CPB1: variants seen among roughly 807,000 people sequenced by gnomAD.
CPB1 encodes the protein carboxypeptidase B.
CPB1 carries 53 observed loss-of-function variants against 51.4 expected under a neutral mutation model. The observed-to-expected ratio is 1.03, with a 90% CI of 0.83 to 1.30. CPB1 has a LOEUF of 1.30. Among genes scored for constraint, CPB1 ranks in the 50% most tolerant of loss-of-function variants. CPB1 has a pLI of 0.00. For missense variants in CPB1, 494 were observed against 516.2 expected (o/e 0.96, Z 0.42); for synonymous variants, 189 against 186.9 (o/e 1.01, Z -0.09).
Position 148,839,968 on chromosome 3 carries a change from G to A in CPB1, c.273-718G>A, listed in dbSNP as rs147719609. Among the ~76,000 whole-genome samples the A allele has an allele frequency of 7.6e-3, 1,160 of 151,938 alleles. 7 individuals carry two copies. The highest frequency in any genetic ancestry group is 0.027 in the African/African-American group (1,113 of 41,442). ...CACACACACACACACCTTCAGACTG[G>A]CCTCATAATAGAAACTATCACCTGG... On this transcript the variant is annotated intron_variant, in intron 3 of 10. Coordinates refer to ENST00000282957, the MANE Select transcript of CPB1 (RefSeq NM_001871.3).
chr3:148,827,950 G>C (rs1345154108), intron 1 of CPB1, 52 bp from the exon 2 acceptor site: 17 of 1,611,940 alleles, frequency 1.1e-5, no homozygotes, highest in Non-Finnish European at 1.3e-5. Context: ...CCCCAAATTT[G>C]GACACATTAC....
At chr3:148,858,106 CA>C (rs1713637111) in intron 10 of CPB1, among the ~76,000 whole-genome samples, 1 of 152,074 alleles carries the variant, frequency 6.6e-6, no homozygotes, top group Admixed American at 6.5e-5. Flanking sequence ...AGTAGGGAAG[CA>C]GCAAAAATAA....
intron 9 of CPB1, among the ~76,000 whole-genome samples, chr3:148,853,012 AAAGTT>A (rs1183084098): frequency 6.6e-6 from 1 of 152,160 alleles, no homozygotes; most frequent in East Asian, 1.9e-4. Flanking sequence ...CAAAATTATA[AAAGTT>A]AAGTTTCTTA....
At chr3:148,834,745 T>G in intron 3 of CPB1, 123 bp downstream of exon 3, 1 of 843,578 alleles carries the variant, frequency 1.2e-6, no homozygotes, top group Non-Finnish European at 1.8e-6. Context: ...ACCCCACAAA[T>G]AGGTAATGGC....
At chr3:148,846,797 G>GTGTATGTATGTA (rs1364486523) in intron 9 of CPB1, among the ~76,000 whole-genome samples, 1 of 50,562 alleles carries the variant, frequency 2.0e-5, no homozygotes, top group African/African-American at 5.6e-5. Context: ...GTGTGCGTGT[G>GTGTATGTATGTA]TATATATATA....
intron 2 of CPB1, among the ~76,000 whole-genome samples, chr3:148,829,790 A>G (rs542823198): frequency 2.0e-5 from 3 of 152,162 alleles, no homozygotes; most frequent in Non-Finnish European, 4.4e-5. Flanking sequence ...CATTCAGTAC[A>G]TATTTATCAT....
At chr3:148,858,843 G>T (rs1028320930) in intron 10 of CPB1, among the ~76,000 whole-genome samples, 20 of 152,166 alleles carry the variant, frequency 1.3e-4, no homozygotes, top group Non-Finnish European at 2.6e-4. Flanking sequence ...TTCTGCCTGA[G>T]GTTGGAAAGA....
At chr3:148,837,378 T>A (rs1712935411) in intron 3 of CPB1, among the ~76,000 whole-genome samples, 1 of 151,734 alleles carries the variant, frequency 6.6e-6, no homozygotes, top group South Asian at 2.1e-4. Flanking sequence ...TTTCCAGAAA[T>A]CTGAAAGGGG....
rs1398262552 is a variant in CPB1 at position 148,842,036 on chromosome 3, G to T, written c.576+112G>T. On this transcript the variant is annotated intron_variant, in intron 6 of 10. Transcript: ENST00000282957. ...CAGAAAAAAATACACAATTACAAGT[G>T]CCCAATTTTGGAAATTAGTTTCAAC... is the stretch of plus-strand genomic sequence containing the variant. 4 of 814,944 alleles carry T rather than the reference G, an allele frequency of 4.9e-6. No individual in the cohort carries two copies. In the East Asian group the frequency reaches 7.9e-5, roughly 16 times the overall value. The allele number at this position is 814,944 out of a possible 1,614,324, so 50.5% of individuals were successfully genotyped here. A position where few individuals can be genotyped will look rare whatever the true frequency, so the allele number is the denominator to read the frequency against.
chr3:148,839,105 T>C (rs1397386776), intron 3 of CPB1, among the ~76,000 whole-genome samples: 1 of 152,218 alleles, frequency 6.6e-6, no homozygotes, highest in Non-Finnish European at 1.5e-5. Context: ...GATTGTCCTA[T>C]ATGTCCACTG....
At chr3:148,851,491 A>G (rs1019174258) in intron 9 of CPB1, 4 of 152,302 alleles carry the variant, frequency 2.6e-5, no homozygotes, top group Middle Eastern at 3.4e-3. Context: ...TACTGAAATG[A>G]TAAGACTTGG....
chr3:148,840,361 C>T (rs529012279), intron 3 of CPB1, among the ~76,000 whole-genome samples: 11 of 152,236 alleles, frequency 7.2e-5, no homozygotes, highest in African/African-American at 4.8e-5. Flanking sequence ...AAGGCCCTGA[C>T]CCAAAATGTC....
intron 5 of CPB1, 93 bp from the exon 6 acceptor site, chr3:148,841,730 T>C (rs1333599366): frequency 5.7e-6 from 5 of 874,874 alleles, no homozygotes; most frequent in Non-Finnish European, 9.2e-6. Flanking sequence ...CGGGTTTCAC[T>C]TGTTGAGTCT....
At position 148,834,537 on chromosome 3, in the gene CPB1, C is replaced by G. The variant is rs752644907; in HGVS notation, c.187C>G (p.Pro63Ala). ...WKPDSVTQIK[P>A]HSTVDFRVKA... is the part of the protein sequence containing the mutation. ...GCCAGATTCTGTCACACAAATCAAA[C>G]CTCACAGTACAGTTGACTTCCGTGT... The change falls in exon 3 of 11, where the codon CCT (proline) becomes GCT (alanine). Residue 63 changes from proline (P) to alanine (A), a missense_variant. By Grantham distance (27) the Pro-to-Ala change is conservative. Coordinates refer to ENST00000282957, the MANE Select transcript of CPB1 (RefSeq NM_001871.3). 4 of 1,613,642 alleles carry G rather than the reference C, an allele frequency of 2.5e-6. No homozygotes were observed. The highest frequency in any genetic ancestry group is 2.5e-6 in the Non-Finnish European group (3 of 1,179,564).
At chr3:148,843,716 G>A (rs1713154901) in intron 6 of CPB1, among the ~76,000 whole-genome samples, 1 of 152,108 alleles carries the variant, frequency 6.6e-6, no homozygotes. Context: ...ATTCAAGCAA[G>A]CCTAGGGAAG....
intron 9 of CPB1, chr3:148,856,784 T>C (rs963355766): frequency 1.3e-4 from 20 of 152,214 alleles, no homozygotes; most frequent in African/African-American, 4.6e-4. Flanking sequence ...GAAAAAAGAT[T>C]ACACGTAAGT....
intron 9 of CPB1, among the ~76,000 whole-genome samples, chr3:148,849,901 T>C (rs1713373831): frequency 6.6e-6 from 1 of 152,246 alleles, no homozygotes; most frequent in Non-Finnish European, 1.5e-5. Flanking sequence ...GCTGCCTCAA[T>C]TTCCAAAGAC....
chr3:148,848,703 C>A (rs1713327934), intron 9 of CPB1, among the ~76,000 whole-genome samples: 1 of 151,936 alleles, frequency 6.6e-6, no homozygotes, highest in Non-Finnish European at 1.5e-5. Context: ...ATGTAGCTTG[C>A]CTAATAATTG....
intron 3 of CPB1, among the ~76,000 whole-genome samples, chr3:148,837,146 C>A (rs749174628): frequency 9.9e-5 from 15 of 152,128 alleles, no homozygotes; most frequent in African/African-American, 3.6e-4. Flanking sequence ...TTGACAGAAC[C>A]TTTAGGTGGC....
Sources: allele counts gnomAD v4.1 joint callset (sites outside exome capture counted in the v4.1 genomes callset), GRCh38; gene constraint gnomAD v4.1.1; transcripts MANE v1.5; gene names NCBI Gene and HGNC (gene_info 2026-07-23, HGNC 2026-07-21).